DCAF6: variants seen among roughly 807,000 people sequenced by gnomAD.
DCAF6 encodes DDB1 and CUL4 associated factor 6, also known as DDB1- and CUL4-associated factor 6.
Under a neutral mutation model 125.1 loss-of-function variants are expected in DCAF6, and 54 were observed. The ratio of observed to expected loss-of-function variants is 0.43; its 90% CI spans 0.35 to 0.54. DCAF6 has a LOEUF of 0.54. Ranked by LOEUF, DCAF6 falls within the 20% of genes least tolerant of loss-of-function variation. DCAF6 has a pLI of 0.01. For missense variants in DCAF6, 934 were observed against 1,161.7 expected, an observed-to-expected ratio of 0.80 and a Z score of 2.85; for synonymous variants, 371 against 390.4, an observed-to-expected ratio of 0.95 and a Z score of 0.58.
At chr1:167,992,280 CACAAACA>C (rs1680957723) in intron 6 of DCAF6, among the ~76,000 whole-genome samples, 3 of 127,878 alleles carry the variant, frequency 2.3e-5, no homozygotes, top group Non-Finnish European at 5.3e-5. Flanking sequence ...CACACACACA[CACAAACA>C]CCGAATGCAC....
At chr1:167,872,194 C>G in the DCAF6 span, among the ~76,000 whole-genome samples, 1 of 151,938 alleles carries the variant, frequency 6.6e-6, no homozygotes, top group South Asian at 2.1e-4. Context: ...CAAAATTAGC[C>G]GGGCGTGGTG....
intron 2 of DCAF6, among the ~76,000 whole-genome samples, 153 bp downstream of exon 2, chr1:167,952,014 TAGA>T (rs1489263931): frequency 6.6e-6 from 1 of 152,206 alleles, no homozygotes; most frequent in Non-Finnish European, 1.5e-5. Flanking sequence ...ATTTTGAATC[TAGA>T]AGAGTGTATG....
chr1:167,959,797 T>A (rs2102777370), intron 2 of DCAF6, among the ~76,000 whole-genome samples: 1 of 152,334 alleles, frequency 6.6e-6, no homozygotes, highest in Admixed American at 6.5e-5. Flanking sequence ...TTGAAAGTAT[T>A]TCCCCTGTCT....
chr1:167,985,213 T>TG (rs751478008), intron 4 of DCAF6, among the ~76,000 whole-genome samples: 7 of 141,212 alleles, frequency 5.0e-5, no homozygotes, highest in South Asian at 2.2e-4. Context: ...GTGTGTGTGG[T>TG]GTGTGTGTGT....
Position 168,023,117 on chromosome 1 carries a change from C to G in DCAF6, c.1609+70C>G, listed in dbSNP as rs1685872917. The G allele has an allele frequency of 5.6e-6, 8 of 1,437,292 alleles. No individual in the cohort carries two copies. In the South Asian group the frequency reaches 5.8e-5, roughly 10 times the overall value. 89.0% of individuals were successfully genotyped at this position (1,437,292 alleles called of 1,614,324 possible). A position where few individuals can be genotyped will look rare whatever the true frequency, so the allele number is the denominator to read the frequency against. ...TATTGCAATGCATATACTAAGCTCT[C>G]TCACACCTTTCGTAGCATTTCATTT... On this transcript the variant is annotated intron_variant, in intron 12 of 21. Transcript: ENST00000367840.
At chr1:168,004,062 A>G (rs982904825) in intron 9 of DCAF6, 73 bp downstream of exon 9, 89 of 1,529,432 alleles carry the variant, frequency 5.8e-5, no homozygotes, top group East Asian at 2.5e-4. Flanking sequence ...TTTTATTTCT[A>G]TCATGTAAAT....
At chr1:168,015,694 C>A in intron 10 of DCAF6, 87 bp from the exon 11 acceptor site, 1 of 1,194,168 alleles carries the variant, frequency 8.4e-7, no homozygotes, top group Non-Finnish European at 1.1e-6. Context: ...TTGTTTATAT[C>A]CTTCTTCTTT....
the DCAF6 span, among the ~76,000 whole-genome samples, chr1:167,914,504 ATACT>A: frequency 6.6e-6 from 1 of 152,244 alleles, no homozygotes; most frequent in Non-Finnish European, 1.5e-5. Flanking sequence ...AATAAATTCA[ATACT>A]TACCTTCAGA....
chr1:167,953,013 A>G (rs2102723722), intron 2 of DCAF6, among the ~76,000 whole-genome samples: 1 of 152,294 alleles, frequency 6.6e-6, no homozygotes, highest in South Asian at 2.1e-4. Context: ...CTTGCTGAAG[A>G]TATATTATTT....
intron 1 of DCAF6, among the ~76,000 whole-genome samples, chr1:167,951,261 G>A (rs1245598229): frequency 6.6e-6 from 1 of 152,130 alleles, no homozygotes; most frequent in African/African-American, 2.4e-5. Context: ...CAGATACTGT[G>A]CTAAGCCCTT....
the DCAF6 span, chr1:167,870,517 G>T: frequency 9.8e-7 from 1 of 1,021,186 alleles, no homozygotes; most frequent in Non-Finnish European, 1.5e-6. Flanking sequence ...CTTGGGCCAG[G>T]CGCTGTGGCT....
At chr1:167,938,479 A>T (rs1472680156) in intron 1 of DCAF6, among the ~76,000 whole-genome samples, 4 of 152,200 alleles carry the variant, frequency 2.6e-5, no homozygotes, top group African/African-American at 4.8e-5. Context: ...CAGCATTTTA[A>T]TGAACATCAT....
upstream of DCAF6, among the ~76,000 whole-genome samples, chr1:167,931,913 G>A (rs1473799872): frequency 6.6e-6 from 1 of 151,944 alleles, no homozygotes; most frequent in Admixed American, 6.6e-5. Context: ...AATTATCTAG[G>A]AAAAATGCAA....
chr1:167,883,070 C>T, the DCAF6 span, among the ~76,000 whole-genome samples: 22 of 152,370 alleles, frequency 1.4e-4, no homozygotes, highest in Admixed American at 4.6e-4. Context: ...CGGAGTCTCA[C>T]GCTATAGCCC....
Position 168,075,614 on chromosome 1 carries a change from A to G in DCAF6, c.*179A>G, listed in dbSNP as rs934438494. On this transcript the variant is annotated 3_prime_UTR_variant, in exon 22 of 22. Coordinates refer to ENST00000367840, the MANE Select transcript of DCAF6 (RefSeq NM_001198956.2). ...TGTGTGCATGAATTTGGGAGATTGTATAAAACAAAACTAGCAGAATGTTTT... is the reference window on the plus strand; with the variant it reads ...TGTGTGCATGAATTTGGGAGATTGTGTAAAACAAAACTAGCAGAATGTTTT... 1.9e-6 allele frequency: 1 copy of G among 534,696 alleles called. No homozygotes were observed. The highest frequency in any genetic ancestry group is 3.9e-5 in the Admixed American group (1 of 25,620). 33.1% of individuals were successfully genotyped at this position (534,696 alleles called of 1,614,324 possible). A position where few individuals can be genotyped will look rare whatever the true frequency, so the allele number is the denominator to read the frequency against.
At chr1:168,037,022 G>T (rs1019162141) in intron 12 of DCAF6, among the ~76,000 whole-genome samples, 1 of 151,792 alleles carries the variant, frequency 6.6e-6, no homozygotes, top group Admixed American at 6.6e-5. Flanking sequence ...CTTTTCTACT[G>T]CATTTCTGTA....
At chr1:167,870,339 A>T in the DCAF6 span, 1 of 1,614,014 alleles carries the variant, frequency 6.2e-7, no homozygotes, top group East Asian at 2.2e-5. Flanking sequence ...TCATACATTA[A>T]GACTTGGCTG....
chr1:168,017,151 T>C (rs1457878151), intron 11 of DCAF6, among the ~76,000 whole-genome samples: 1 of 151,742 alleles, frequency 6.6e-6, no homozygotes, highest in East Asian at 1.9e-4. Context: ...TGGGGAAATA[T>C]TTTCCTATAC....
chr1:167,944,537 G>C (rs545735730), intron 1 of DCAF6, among the ~76,000 whole-genome samples: 4 of 152,190 alleles, frequency 2.6e-5, no homozygotes, highest in Non-Finnish European at 5.9e-5. Context: ...TTGTGAATTT[G>C]ATTTGCATTT....
Sources: allele counts gnomAD v4.1 joint callset (sites outside exome capture counted in the v4.1 genomes callset), GRCh38; gene constraint gnomAD v4.1.1; transcripts MANE v1.5; gene names NCBI Gene and HGNC (gene_info 2026-07-23, HGNC 2026-07-21).